The following RBBP4 variants were observed in gnomAD, a reference collection of about 807,000 sequenced individuals.
The protein encoded by RBBP4 is histone-binding protein RBBP4.
In RBBP4, 3 loss-of-function variants were observed where a neutral mutation model predicts 57.2. That is an observed-to-expected ratio of 0.05 (90% CI 0.02 to 0.14). The LOEUF (loss-of-function observed/expected upper bound fraction) is 0.14. Ranked by LOEUF, RBBP4 falls within the 10% of genes least tolerant of loss-of-function variation. The pLI, the probability that RBBP4 is intolerant of heterozygous loss-of-function variation, is 1.00. For missense variants in RBBP4, 107 were observed against 520.6 expected (o/e 0.21, Z 7.73); for synonymous variants, 151 against 171.5 (o/e 0.88, Z 0.93).
Position 32,660,479 on chromosome 1 carries a change from C to A in RBBP4, c.310+2907C>A, listed in dbSNP as rs559887374. 3.5e-3 allele frequency among the ~76,000 whole-genome samples: 532 copies of A among 151,806 alleles called. 2 individuals carry two copies. Among genetic ancestry groups the A allele is most frequent in the Non-Finnish European group, 5.8e-3 (392 of 67,974 alleles). ...TCGCCCAGGCTGTAGTGCAGTGGCG[C>A]AATCTCTGCTCACTGCAACCTCCGT... On this transcript the variant is annotated intron_variant, in intron 3 of 11. Coordinates refer to ENST00000373493, the MANE Select transcript of RBBP4 (RefSeq NM_005610.3).
rs376744476 is a variant in RBBP4 at position 32,669,160 on chromosome 1, A to G, written c.761+28A>G. On this transcript the variant is annotated intron_variant, in intron 6 of 11. Transcript: ENST00000373493. The surrounding 1 kb of genome is among the most constrained non-coding windows in gnomAD (Gnocchi z 4.9). ...GAGTAGAATCCATTCAGAGTTTCTA[A>G]ATATCTTGTCTAAGTTTTATGTTTA... The G allele has an allele frequency of 6.2e-7, 1 of 1,612,680 alleles. No individual in the cohort carries two copies. The highest frequency in any genetic ancestry group is 1.3e-5 in the African/African-American group (1 of 74,784).
chr1:32,657,587 G>A lies in RBBP4; in HGVS notation c.310+15G>A, dbSNP rs767335589. Reference sequence around the variant, plus strand: ...TGAGAAAGGAGGTAGGAATCTTAAAGGTGAAAGAAGTAAAGATGTGTGGGT... The same window carrying A: ...TGAGAAAGGAGGTAGGAATCTTAAAAGTGAAAGAAGTAAAGATGTGTGGGT... On this transcript the variant is annotated intron_variant, in intron 3 of 11. Coordinates refer to ENST00000373493, the MANE Select transcript of RBBP4 (RefSeq NM_005610.3). 10 of 1,611,868 alleles carry A rather than the reference G, an allele frequency of 6.2e-6. No homozygotes were observed. The African/African-American group carries it at 1.3e-4, about 22-fold the overall frequency.
At chr1:32,653,558 C>T (rs1195061111) in intron 2 of RBBP4, among the ~76,000 whole-genome samples, 2 of 136,506 alleles carry the variant, frequency 1.5e-5, no homozygotes, top group African/African-American at 2.7e-5. Flanking sequence ...GAAATGTGTC[C>T]TAGGGATGTT....
chr1:32,681,969 G>T lies in RBBP4; in HGVS notation c.*2264G>T. On this transcript the variant is annotated 3_prime_UTR_variant, in exon 12 of 12. Coordinates refer to ENST00000373493, the MANE Select transcript of RBBP4 (RefSeq NM_005610.3). ...GTGTGATTTATGGATGATCAGGGAT[G>T]ACTTTCCCCTAGCAAATATTTGGAT... 3 of 978,032 alleles carry T rather than the reference G, an allele frequency of 3.1e-6. No individual in the cohort carries two copies. Among genetic ancestry groups the T allele is most frequent in the Non-Finnish European group, 1.6e-6 (1 of 626,612 alleles). The allele number at this position is 978,032 out of a possible 1,614,324, so 60.6% of individuals were successfully genotyped here.
intron 1 of RBBP4, 122 bp downstream of exon 1, chr1:32,651,444 G>T: frequency 7.3e-7 from 1 of 1,367,086 alleles, no homozygotes; most frequent in Non-Finnish European, 9.5e-7. Flanking sequence ...TACTGAAGGC[G>T]TGAAGAGGGA....
chr1:32,663,033 T>G (rs1264418669), intron 3 of RBBP4, among the ~76,000 whole-genome samples: 4 of 152,064 alleles, frequency 2.6e-5, no homozygotes, highest in African/African-American at 4.8e-5. Flanking sequence ...TCTCTAGTCT[T>G]TAGTCCAAAT....
chr1:32,673,348 C>CA, intron 11 of RBBP4: 1 of 351,144 alleles, frequency 2.8e-6, no homozygotes, highest in South Asian at 2.2e-5. Context: ...ATCACAGCAT[C>CA]AAATACTACT....
chr1:32,670,318 T>C (rs1212537508), intron 8 of RBBP4, among the ~76,000 whole-genome samples: 1 of 152,252 alleles, frequency 6.6e-6, no homozygotes, highest in Non-Finnish European at 1.5e-5. Flanking sequence ...TGTTGATTTC[T>C]CAACCCAAGC....
At chr1:32,651,369 G>A in intron 1 of RBBP4, 47 bp downstream of exon 1, 1 of 1,408,376 alleles carries the variant, frequency 7.1e-7, no homozygotes, top group Non-Finnish European at 9.3e-7. Context: ...TGCCTGGGCT[G>A]AGCCGCGGCC....
chr1:32,667,202 T>A (rs922233058), intron 3 of RBBP4, among the ~76,000 whole-genome samples: 2 of 152,258 alleles, frequency 1.3e-5, no homozygotes, highest in Non-Finnish European at 2.9e-5. Flanking sequence ...TCAGTGGTCA[T>A]GCTCCTTGTC....
chr1:32,654,199 G>A (rs973550001), intron 2 of RBBP4, among the ~76,000 whole-genome samples: 4 of 151,976 alleles, frequency 2.6e-5, no homozygotes, highest in Admixed American at 6.6e-5. Flanking sequence ...ATGGTGAAAA[G>A]CCCGTCTCTA....
At chr1:32,665,627 G>A (rs1008769161) in intron 3 of RBBP4, among the ~76,000 whole-genome samples, 26 of 148,348 alleles carry the variant, frequency 1.8e-4, no homozygotes, top group South Asian at 8.4e-4. Context: ...GCAGTGAGCC[G>A]AGATCGTGCC....
intron 3 of RBBP4, among the ~76,000 whole-genome samples, chr1:32,666,289 ATAT>A (rs1648643133): frequency 6.6e-6 from 1 of 152,242 alleles, no homozygotes; most frequent in East Asian, 1.9e-4. Flanking sequence ...TGTGTACTTA[ATAT>A]TCATTATAGT....
In RBBP4 at chr1:32,683,910, G is replaced by T; in HGVS notation, c.*4205G>T. 8.3e-7 allele frequency: 1 copy of T among 1,201,296 alleles called. No individual in the cohort carries two copies. Among genetic ancestry groups the T allele is most frequent in the Non-Finnish European group, 1.2e-6 (1 of 828,890 alleles). 74.4% of individuals were successfully genotyped at this position (1,201,296 alleles called of 1,614,324 possible). ...AGCCTCCCAAAGTGCTAGGATTACA[G>T]GCGTGAGCCACCCCGTCCGGCCTGT... On this transcript the variant is annotated 3_prime_UTR_variant, in exon 12 of 12. Coordinates refer to ENST00000373493, the MANE Select transcript of RBBP4 (RefSeq NM_005610.3).
rs140434476 is a variant in RBBP4 at position 32,665,709 on chromosome 1, A to G, written c.311-2516A>G. Reference sequence around the variant, plus strand: ...AAAAAAAAAAAAGCACTATATAGCAATGCAATTGACAGAATATTTTTATTT... The same window carrying G: ...AAAAAAAAAAAAGCACTATATAGCAGTGCAATTGACAGAATATTTTTATTT... On this transcript the variant is annotated intron_variant, in intron 3 of 11. Coordinates refer to ENST00000373493, the MANE Select transcript of RBBP4 (RefSeq NM_005610.3). Among the ~76,000 whole-genome samples the G allele has an allele frequency of 2.1e-3, 315 of 151,576 alleles. 2 individuals carry two copies. Among genetic ancestry groups the G allele is most frequent in the Non-Finnish European group, 2.8e-3 (188 of 67,898 alleles).
At position 32,669,467 on chromosome 1, in the gene RBBP4, C is replaced by T. The variant is rs759827721; in HGVS notation, c.889-19C>T. On this transcript the variant is annotated intron_variant, in intron 7 of 11. Coordinates refer to ENST00000373493, the MANE Select transcript of RBBP4 (RefSeq NM_005610.3). This position sits in a 1 kb window ranked among gnomAD's most constrained non-coding sequence, Gnocchi z 4.9. ...TTTCTTAAAAAATTGATTACTCTTG[C>T]TTTTCTTTTTGTACATAGACTGTTG... The T allele has an allele frequency of 5.7e-6, 9 of 1,574,934 alleles. No individual in the cohort carries two copies. The South Asian group carries it at 9.5e-5, about 17-fold the overall frequency.
Position 32,684,913 on chromosome 1 carries a change from CCTT to C in RBBP4, c.*5209_*5211del, listed in dbSNP as rs1649716008. 6.5e-6 allele frequency: 1 copy of C among 153,008 alleles called. No individual in the cohort carries two copies. The highest frequency in any genetic ancestry group is 2.4e-5 in the African/African-American group (1 of 41,410). 9.5% of individuals were successfully genotyped at this position (153,008 alleles called of 1,614,324 possible). A position where few individuals can be genotyped will look rare whatever the true frequency, so the allele number is the denominator to read the frequency against. On this transcript the variant is annotated 3_prime_UTR_variant, in exon 12 of 12. Coordinates refer to ENST00000373493, the MANE Select transcript of RBBP4 (RefSeq NM_005610.3). ...AGGAAAAGTTTTTGTGTCCAAAGCT[CCTT>C]AAAGTCAGAGAGATTTCTACCTGGT...
chr1:32,667,530 A>AG (rs1648706885), intron 3 of RBBP4, among the ~76,000 whole-genome samples: 1 of 152,178 alleles, frequency 6.6e-6, no homozygotes, highest in Non-Finnish European at 1.5e-5. Flanking sequence ...TCTTGGTGGT[A>AG]GTGGTCCCCC....
In RBBP4 at chr1:32,683,798, A is replaced by AT. The variant is rs1357041874; in HGVS notation, c.*4093_*4094insT. On this transcript the variant is annotated 3_prime_UTR_variant, in exon 12 of 12. Transcript: ENST00000373493. ...TAAGTGCCTGCCACTATGCCCGGCT[A>AT]ATTTTTGTATTTTTAGTGGAGATGG... 1 of 519,252 alleles carries AT rather than the reference A, an allele frequency of 1.9e-6. No homozygotes were observed. Among genetic ancestry groups the AT allele is most frequent in the African/African-American group, 1.9e-5 (1 of 51,742 alleles). 32.2% of individuals were successfully genotyped at this position (519,252 alleles called of 1,614,324 possible).
Sources: allele counts gnomAD v4.1 joint callset (sites outside exome capture counted in the v4.1 genomes callset), GRCh38; gene constraint gnomAD v4.1.1; non-coding constraint Gnocchi (gnomAD v3.1); transcripts MANE v1.5; gene names NCBI Gene and HGNC (gene_info 2026-07-23, HGNC 2026-07-21).